MMS22L: variants seen among roughly 807,000 people sequenced by gnomAD.
MMS22L encodes the protein protein MMS22-like.
In MMS22L, 74 loss-of-function variants were observed where a neutral mutation model predicts 159.1. The observed-to-expected ratio is 0.47, with a 90% CI of 0.39 to 0.56. The LOEUF (loss-of-function observed/expected upper bound fraction) is 0.56. MMS22L is among the 20% of genes least tolerant of loss of function. The pLI is 0.00. For synonymous variants in MMS22L, 517 were observed against 506.9 expected (o/e 1.02, Z -0.27); for missense variants, 1,351 against 1,422.1 (o/e 0.95, Z 0.80).
chr6:97,153,913 A>T (rs1382553480), intron 22 of MMS22L, among the ~76,000 whole-genome samples: 2 of 152,206 alleles, frequency 1.3e-5, no homozygotes, highest in Admixed American at 1.3e-4. Flanking sequence ...CAATACTGCT[A>T]TAAAAATTAA....
chr6:97,273,513 C>T (rs985534582), intron 4 of MMS22L, among the ~76,000 whole-genome samples: 2 of 152,158 alleles, frequency 1.3e-5, no homozygotes, highest in Non-Finnish European at 2.9e-5. Flanking sequence ...ATGATAATGA[C>T]TCTAAAAGGG....
At chr6:97,274,288 G>A (rs1272877140) in intron 4 of MMS22L, among the ~76,000 whole-genome samples, 2 of 152,146 alleles carry the variant, frequency 1.3e-5, no homozygotes, top group Admixed American at 6.5e-5. Flanking sequence ...TGAAGCAGTT[G>A]TGTAAATACC....
intron 23 of MMS22L, 113 bp downstream of exon 23, chr6:97,151,658 C>G: frequency 2.5e-6 from 2 of 797,876 alleles, no homozygotes; most frequent in South Asian, 1.7e-5. Context: ...AATTGAAATA[C>G]TATAAACAAG....
intron 18 of MMS22L, among the ~76,000 whole-genome samples, chr6:97,175,464 G>A (rs1804020073): frequency 1.3e-5 from 2 of 152,108 alleles, no homozygotes; most frequent in Non-Finnish European, 2.9e-5. Flanking sequence ...CAGATTAGTT[G>A]TAACTAAACC....
intron 14 of MMS22L, among the ~76,000 whole-genome samples, chr6:97,190,821 G>C (rs1318191618): frequency 6.6e-6 from 1 of 152,070 alleles, no homozygotes; most frequent in Admixed American, 6.5e-5. Context: ...TCAAGAACAG[G>C]AACAATTGTT....
At chr6:97,165,575 A>G in intron 20 of MMS22L, 118 bp from the exon 21 acceptor site, 1 of 833,130 alleles carries the variant, frequency 1.2e-6, no homozygotes, top group Non-Finnish European at 1.8e-6. Context: ...TAAAAATCAA[A>G]AAGGATACCT....
chr6:97,154,024 C>T lies in MMS22L; in HGVS notation c.3386-2157G>A, dbSNP rs191256258. On this transcript the variant is annotated intron_variant, in intron 22 of 24. Coordinates refer to ENST00000683635, the MANE Select transcript of MMS22L (RefSeq NM_001350599.2). The stretch of plus-strand genomic sequence containing the variant: ...GTCATACAGTAACTCCATATTTAAC[C>T]GCTTGAGGAACTACTGGACTATTAT... 9.0e-4 allele frequency among the ~76,000 whole-genome samples: 137 copies of T among 152,038 alleles called. 1 individual carries two copies. The highest frequency in any genetic ancestry group is 2.9e-3 in the African/African-American group (119 of 41,450).
intron 3 of MMS22L, among the ~76,000 whole-genome samples, chr6:97,279,558 G>A (rs1456353574): frequency 2.0e-5 from 3 of 151,888 alleles, no homozygotes; most frequent in Non-Finnish European, 4.4e-5. Context: ...GCCAAGGCAG[G>A]TGGAACACCT....
intron 20 of MMS22L, among the ~76,000 whole-genome samples, chr6:97,166,976 C>T (rs936551076): frequency 6.6e-6 from 1 of 152,098 alleles, no homozygotes; most frequent in Admixed American, 6.6e-5. Context: ...AATCTTAAAA[C>T]TCTGTTAAGA....
At chr6:97,250,824 G>T (rs1318961260) in intron 10 of MMS22L, among the ~76,000 whole-genome samples, 1 of 152,088 alleles carries the variant, frequency 6.6e-6, no homozygotes, top group Non-Finnish European at 1.5e-5. Context: ...CAAGATTATA[G>T]ATATTTCTCT....
intron 22 of MMS22L, among the ~76,000 whole-genome samples, chr6:97,156,355 C>A (rs1380269851): frequency 6.6e-6 from 1 of 152,094 alleles, no homozygotes; most frequent in African/African-American, 2.4e-5. Context: ...GCTTTTGTTG[C>A]CGTTGCTTTT....
Position 97,229,068 on chromosome 6 carries a change from G to C in MMS22L, c.1865C>G (p.Thr622Ser). ...EEMVQRQTIW[T>S]LLSIYIDGVQ... Reference sequence around the variant, plus strand: ...ACCATCAATGTATATGGAAAGAAGGGTCCAGATAGTCTGTCTCTGTACCAT... The same window carrying C: ...ACCATCAATGTATATGGAAAGAAGGCTCCAGATAGTCTGTCTCTGTACCAT... The change falls in exon 14 of 25, where the codon ACC (threonine) becomes AGC (serine). Residue 622 changes from threonine (T) to serine (S), a missense_variant. Transcript: ENST00000683635. 1 of 1,614,070 alleles carries C rather than the reference G, an allele frequency of 6.2e-7. No homozygotes were observed. The highest frequency in any genetic ancestry group is 1.1e-5 in the South Asian group (1 of 91,068).
At chr6:97,210,340 T>C (rs1467855641) in intron 14 of MMS22L, among the ~76,000 whole-genome samples, 1 of 151,926 alleles carries the variant, frequency 6.6e-6, no homozygotes, top group African/African-American at 2.4e-5. Flanking sequence ...TTTGAATCTT[T>C]GTATTAAACA....
At chr6:97,168,585 T>C (rs113169443) in intron 19 of MMS22L, among the ~76,000 whole-genome samples, 2 of 152,186 alleles carry the variant, frequency 1.3e-5, no homozygotes, top group African/African-American at 4.8e-5. Flanking sequence ...AAATGCTCAT[T>C]AGACCATTTC....
intron 8 of MMS22L, chr6:97,265,712 CT>C (rs1815024595): frequency 6.6e-6 from 1 of 150,798 alleles, no homozygotes; most frequent in South Asian, 2.1e-4. Context: ...CAGACGTTTT[CT>C]TTTTTCTTTT....
chr6:97,282,108 G>GT (rs1183267604), intron 2 of MMS22L, among the ~76,000 whole-genome samples: 1 of 152,190 alleles, frequency 6.6e-6, no homozygotes, highest in Non-Finnish European at 1.5e-5. Flanking sequence ...TACCAAGGAA[G>GT]TTTTCCCTAA....
At chr6:97,180,445 A>G (rs1256977463) in intron 16 of MMS22L, among the ~76,000 whole-genome samples, 1 of 152,124 alleles carries the variant, frequency 6.6e-6, no homozygotes, top group Non-Finnish European at 1.5e-5. Context: ...GGTAGAGAGG[A>G]TGGGGATGGT....
At chr6:97,254,067 T>C (rs1813516088) in intron 10 of MMS22L, 2 of 152,620 alleles carry the variant, frequency 1.3e-5, no homozygotes, top group African/African-American at 2.4e-5. Context: ...TCTCTTTGTA[T>C]TTGAAGCAAA....
chr6:97,236,308 G>C (rs1582735389), intron 11 of MMS22L, among the ~76,000 whole-genome samples: 1 of 128,136 alleles, frequency 7.8e-6, no homozygotes, highest in East Asian at 2.2e-4. Flanking sequence ...GGGAGACAGA[G>C]TGACACTCTT....
Sources: allele counts gnomAD v4.1 joint callset (sites outside exome capture counted in the v4.1 genomes callset), GRCh38; gene constraint gnomAD v4.1.1; transcripts MANE v1.5; gene names NCBI Gene and HGNC (gene_info 2026-07-23, HGNC 2026-07-21).